The following PATJ variants were observed in gnomAD, a reference collection of about 807,000 sequenced individuals.
The protein encoded by PATJ is PATJ crumbs cell polarity complex component, also known as inaD-like protein.
In PATJ, 190 loss-of-function variants were observed where a neutral mutation model predicts 224.9. The ratio of observed to expected loss-of-function variants is 0.84; its 90% confidence interval spans 0.75 to 0.95. The LOEUF is 0.95. Among genes scored for constraint, PATJ ranks in the 40% least tolerant of loss-of-function variants. The probability of loss-of-function intolerance (pLI) is 0.00; values close to 1 mark genes in which losing one functional copy is unlikely to be tolerated. For synonymous variants in PATJ, 769 were observed against 820.3 expected, an observed-to-expected ratio of 0.94 and a Z score of 1.07; for missense variants, 2,121 against 2,270.3, an observed-to-expected ratio of 0.93 and a Z score of 1.34.
At chr1:61,976,368 G>T (rs1644131880) in intron 27 of PATJ, among the ~76,000 whole-genome samples, 1 of 151,924 alleles carries the variant, frequency 6.6e-6, no homozygotes, top group Non-Finnish European at 1.5e-5. Context: ...AAGATGGGAT[G>T]GTTATACTTA....
chr1:61,753,592 C>T (rs1372944171), intron 1 of PATJ, among the ~76,000 whole-genome samples: 1 of 151,648 alleles, frequency 6.6e-6, no homozygotes, highest in African/African-American at 2.4e-5. Flanking sequence ...TCACTGCAAC[C>T]TCCGCCTCCC....
chr1:62,143,082 T>C (rs1418017327), intron 41 of PATJ, among the ~76,000 whole-genome samples: 1 of 152,070 alleles, frequency 6.6e-6, no homozygotes, highest in Non-Finnish European at 1.5e-5. Context: ...AGTAAAGTTT[T>C]GAGAAGGATT....
chr1:61,931,156 T>C (rs984366577), intron 27 of PATJ, among the ~76,000 whole-genome samples: 1 of 152,228 alleles, frequency 6.6e-6, no homozygotes, highest in African/African-American at 2.4e-5. Flanking sequence ...CTGGCTTTGC[T>C]AGTTGCTTAT....
chr1:61,825,937 G>C (rs1166571152), intron 15 of PATJ, among the ~76,000 whole-genome samples: 1 of 152,160 alleles, frequency 6.6e-6, no homozygotes, highest in African/African-American at 2.4e-5. Context: ...TGTGACACCA[G>C]TTGAAATCAT....
At chr1:61,997,668 G>C (rs1047437148) in intron 28 of PATJ, among the ~76,000 whole-genome samples, 1 of 151,982 alleles carries the variant, frequency 6.6e-6, no homozygotes, top group Non-Finnish European at 1.5e-5. Flanking sequence ...TGTATTAATA[G>C]TTTTAGTAGA....
intron 33 of PATJ, among the ~76,000 whole-genome samples, chr1:62,100,837 C>T (rs978974385): frequency 6.6e-6 from 1 of 152,178 alleles, no homozygotes. Context: ...GAGCCCTGAA[C>T]AGACATTCAT....
chr1:62,102,162 A>C (rs995581756), intron 33 of PATJ, among the ~76,000 whole-genome samples: 2 of 151,426 alleles, frequency 1.3e-5, no homozygotes, highest in Admixed American at 6.6e-5. Flanking sequence ...CTGGACAACA[A>C]AGCGAGACCC....
In PATJ at chr1:61,864,226, T is replaced by G. The variant is rs768402665; in HGVS notation, c.2440-12T>G. 1.3e-6 allele frequency: 2 copies of G among 1,587,392 alleles called. No homozygotes were observed. The highest frequency in any genetic ancestry group is 1.7e-6 in the Non-Finnish European group (2 of 1,167,878). ...GCGTAACTTCACATTTTTTTGCATC[T>G]TTTATTTATAGGGATTTAGAGATGA... On this transcript the variant is annotated splice_polypyrimidine_tract_variant and intron_variant, in intron 19 of 43. Transcript: ENST00000642238.
chr1:61,821,683 T>C (rs1002577804), intron 14 of PATJ, among the ~76,000 whole-genome samples: 2 of 152,200 alleles, frequency 1.3e-5, no homozygotes, highest in African/African-American at 2.4e-5. Flanking sequence ...GTAGATGCAC[T>C]GCCACCCTGT....
Position 61,990,311 on chromosome 1 carries a change from G to C in PATJ, c.3814G>C (p.Glu1272Gln). 1 of 1,613,822 alleles carries C rather than the reference G, an allele frequency of 6.2e-7. No homozygotes were observed. Among genetic ancestry groups the C allele is most frequent in the Non-Finnish European group, 8.5e-7 (1 of 1,179,924 alleles). Reference protein sequence around the residue: ...MSIFVVGINPEGPAAADGRMR... With the variant: ...MSIFVVGINPQGPAAADGRMR... ...CATATTTGTGGTGGGAATTAACCCG[G>C]AAGGACCTGCTGCCGCAGATGGACG... The change falls in exon 28 of 44, where the codon GAA becomes CAA. Residue 1272 changes from glutamate (E) to glutamine (Q), a missense_variant. Physicochemically the swap from Glu to Gln is conservative, Grantham distance 29. Transcript: ENST00000642238.
At chr1:62,003,077 A>G (rs1158177521) in intron 28 of PATJ, among the ~76,000 whole-genome samples, 1 of 152,194 alleles carries the variant, frequency 6.6e-6, no homozygotes, top group African/African-American at 2.4e-5. Flanking sequence ...TAATATCTCA[A>G]TGTCCTAGGA....
At chr1:61,893,780 A>G (rs1474031562) in intron 22 of PATJ, among the ~76,000 whole-genome samples, 2 of 151,618 alleles carry the variant, frequency 1.3e-5, no homozygotes, top group Non-Finnish European at 2.9e-5. Flanking sequence ...CAAAACAACA[A>G]AACAAGAGAA....
chr1:61,878,787 A>ATTT (rs570059873), intron 21 of PATJ, among the ~76,000 whole-genome samples: 2 of 145,768 alleles, frequency 1.4e-5, no homozygotes, highest in Non-Finnish European at 3.0e-5. Flanking sequence ...GAACTTATGG[A>ATTT]TTTTTTTTTT....
chr1:62,058,155 G>A (rs556724534), intron 31 of PATJ, among the ~76,000 whole-genome samples: 35 of 152,268 alleles, frequency 2.3e-4, no homozygotes, highest in Non-Finnish European at 4.3e-4. Context: ...TCTTCTTGGA[G>A]TTTCTTTGTG....
In PATJ at chr1:62,127,991, G is replaced by T; in HGVS notation, c.5063G>T (p.Gly1688Val). The T allele has an allele frequency of 2.5e-6, 4 of 1,614,072 alleles. No homozygotes were observed. The highest frequency in any genetic ancestry group is 3.4e-6 in the Non-Finnish European group (4 of 1,179,970). Residue 1688 changes from glycine (G) to valine (V), a missense_variant, in exon 40 of 44, where the codon GGA (glycine) becomes GTA (valine). Transcript: ENST00000642238. ...EINRELSDAL[G>V]ISIAGGRGSP... Reference sequence around the variant, plus strand: ...TTTTAGGAGCTCAGTGATGCCCTTGGAATCAGTATTGCTGGAGGAAGAGGA... The same window carrying T: ...TTTTAGGAGCTCAGTGATGCCCTTGTAATCAGTATTGCTGGAGGAAGAGGA...
intron 6 of PATJ, among the ~76,000 whole-genome samples, chr1:61,773,948 A>G (rs554244594): frequency 6.6e-5 from 10 of 151,534 alleles, no homozygotes; most frequent in Admixed American, 2.0e-4. Flanking sequence ...GTGAAACCCC[A>G]TCTCTACTAA....
chr1:61,823,689 C>T (rs1657695297), intron 15 of PATJ, among the ~76,000 whole-genome samples: 1 of 152,132 alleles, frequency 6.6e-6, no homozygotes, highest in African/African-American at 2.4e-5. Context: ...ATAGAATCAA[C>T]CTAGTAGCTT....
chr1:61,777,407 A>G (rs1460726795), intron 7 of PATJ, among the ~76,000 whole-genome samples: 1 of 152,086 alleles, frequency 6.6e-6, no homozygotes, highest in Non-Finnish European at 1.5e-5. Flanking sequence ...TCTACAAAAG[A>G]CACAAAAGTT....
intron 1 of PATJ, among the ~76,000 whole-genome samples, chr1:61,745,311 G>A (rs922507599): frequency 3.9e-5 from 6 of 151,962 alleles, no homozygotes; most frequent in African/African-American, 1.5e-4. Context: ...GTCTTGCTCC[G>A]CTGCCCAGGC....
Sources: allele counts gnomAD v4.1 joint callset (sites outside exome capture counted in the v4.1 genomes callset), GRCh38; gene constraint gnomAD v4.1.1; transcripts MANE v1.5; gene names NCBI Gene and HGNC (gene_info 2026-07-23, HGNC 2026-07-21).